Variants in WDPCP observed in about 807,000 individuals in gnomAD.
WDPCP encodes WD repeat containing planar cell polarity effector.
WDPCP carries 71 observed loss-of-function variants against 93.1 expected under a neutral mutation model. That is an observed-to-expected ratio of 0.76 (90% CI 0.63 to 0.93). The LOEUF (loss-of-function observed/expected upper bound fraction) is 0.93, where lower values mean the gene tolerates loss of function less well. Ranked by LOEUF, WDPCP falls within the 40% of genes least tolerant of loss-of-function variation. The pLI, the probability that WDPCP is intolerant of heterozygous loss-of-function variation, is 0.00. For synonymous variants in WDPCP, 315 were observed against 315.0 expected, an observed-to-expected ratio of 1.00 and a Z score of 0.00; for missense variants, 844 against 887.4, an observed-to-expected ratio of 0.95 and a Z score of 0.62.
chr2:63,768,455 T>C lies in WDPCP; in HGVS notation n.308+45167A>G, dbSNP rs116684203. 4.0e-3 allele frequency among the ~76,000 whole-genome samples: 612 copies of C among 152,154 alleles called. 7 individuals are homozygous for C. Among genetic ancestry groups the C allele is most frequent in the African/African-American group, 0.013 (560 of 41,524 alleles). ...TGCTGAAATTTTGATAGGGGTTGCA[T>C]TGAATTTATAGATGAAATTGGGGAT... On this transcript the variant is annotated intron_variant and non_coding_transcript_variant, in intron 2 of 4. Coordinates refer to the WDPCP transcript ENST00000467687.
At chr2:63,536,097 T>C (rs753546051) in intron 1 of WDPCP, among the ~76,000 whole-genome samples, 5 of 152,120 alleles carry the variant, frequency 3.3e-5, no homozygotes, top group African/African-American at 9.7e-5. Context: ...ATGCAGCCAA[T>C]AGACACATGA....
rs547420792 is a variant in WDPCP at position 63,461,712 on chromosome 2, G to T, written c.385-21841C>A. 2.0e-5 allele frequency among the ~76,000 whole-genome samples: 3 copies of T among 151,068 alleles called. No individual in the cohort carries two copies. The South Asian group carries it at 6.2e-4, about 31-fold the overall frequency. On this transcript the variant is annotated intron_variant, in intron 6 of 17. Coordinates refer to ENST00000272321, the MANE Select transcript of WDPCP (RefSeq NM_015910.7). ...AAAATTCAAATTATTGATTCATGTT[G>T]GAATATATAATACATTCATGTAGCT...
chr2:63,683,811 T>C (rs1668766787), intron 2 of WDPCP, among the ~76,000 whole-genome samples: 1 of 149,952 alleles, frequency 6.7e-6, no homozygotes, highest in Non-Finnish European at 1.5e-5. Flanking sequence ...ATTGTGCCAC[T>C]GCACTCCAGC....
intron 13 of WDPCP, among the ~76,000 whole-genome samples, chr2:63,311,573 G>T (rs184401469): frequency 5.3e-5 from 8 of 152,116 alleles, no homozygotes; most frequent in Non-Finnish European, 8.8e-5. Context: ...AAAAAGGACA[G>T]TAAAACCACT....
intron 1 of WDPCP, among the ~76,000 whole-genome samples, chr2:63,551,246 C>A (rs1049637428): frequency 6.6e-6 from 1 of 151,814 alleles, no homozygotes; most frequent in Non-Finnish European, 1.5e-5. Context: ...AAAAAATCCA[C>A]TAGTAAAAAA....
At chr2:63,428,429 A>G (rs895727479) in intron 9 of WDPCP, among the ~76,000 whole-genome samples, 1 of 152,268 alleles carries the variant, frequency 6.6e-6, no homozygotes, top group Non-Finnish European at 1.5e-5. Context: ...GGTTGGTTCA[A>G]CATACACAAA....
upstream of WDPCP, among the ~76,000 whole-genome samples, chr2:63,828,722 T>C (rs1014168496): frequency 3.3e-5 from 5 of 152,164 alleles, no homozygotes; most frequent in Admixed American, 6.6e-5. Context: ...TTTGTGACAA[T>C]GATACCTAAG....
At chr2:63,774,752 G>T (rs1670279497) in intron 2 of WDPCP, among the ~76,000 whole-genome samples, 1 of 152,074 alleles carries the variant, frequency 6.6e-6, no homozygotes, top group Admixed American at 6.6e-5. Flanking sequence ...GCTTCTTCAA[G>T]TCATTCTTGA....
At chr2:63,586,123 C>G (rs1030947038) in intron 1 of WDPCP, among the ~76,000 whole-genome samples, 2 of 152,124 alleles carry the variant, frequency 1.3e-5, no homozygotes, top group Admixed American at 6.5e-5. Flanking sequence ...AGCCACCACG[C>G]CTAGCTGTGG....
In WDPCP at chr2:63,551,804, C is replaced by A. The variant is rs564190471; in HGVS notation, c.75+36393G>T. On this transcript the variant is annotated intron_variant, in intron 1 of 17. Coordinates refer to ENST00000272321, the MANE Select transcript of WDPCP (RefSeq NM_015910.7). ...AGACACATATGTGAATTATTTGTTA[C>A]ATAAAAGGCACCCATTTGAAAAGGG... 5.9e-5 allele frequency among the ~76,000 whole-genome samples: 9 copies of A among 151,990 alleles called. No homozygotes were observed. The South Asian group carries it at 1.5e-3, about 25-fold the overall frequency.
At chr2:63,186,588 T>C (rs536970302) in intron 14 of WDPCP, among the ~76,000 whole-genome samples, 83 of 152,350 alleles carry the variant, frequency 5.4e-4, no homozygotes, top group African/African-American at 1.8e-3. Context: ...AGGGCCGAGG[T>C]AGTTTCCCAT....
chr2:63,485,084 C>A, intron 4 of WDPCP, 97 bp from the exon 5 acceptor site: 1 of 1,284,218 alleles, frequency 7.8e-7, no homozygotes, highest in Non-Finnish European at 1.1e-6. Flanking sequence ...TAAAACACCT[C>A]TATAATCGAG....
chr2:63,808,683 G>A (rs1040423522), intron 2 of WDPCP, among the ~76,000 whole-genome samples: 10 of 152,162 alleles, frequency 6.6e-5, no homozygotes, highest in Non-Finnish European at 1.2e-4. Flanking sequence ...GCGTGATCTC[G>A]GCTCGCTACA....
intron 6 of WDPCP, among the ~76,000 whole-genome samples, chr2:63,452,381 A>C (rs1461623653): frequency 2.0e-5 from 3 of 152,212 alleles, no homozygotes; most frequent in African/African-American, 7.2e-5. Context: ...AATCCAACTT[A>C]CAAGGGATGT....
chr2:63,323,538 C>T (rs1035504068), intron 12 of WDPCP, among the ~76,000 whole-genome samples: 2 of 152,104 alleles, frequency 1.3e-5, no homozygotes, highest in Non-Finnish European at 2.9e-5. Flanking sequence ...TAAGTAAGGA[C>T]AAAAGGTGTC....
At chr2:63,319,710 C>T (rs1686941133) in intron 12 of WDPCP, among the ~76,000 whole-genome samples, 1 of 152,014 alleles carries the variant, frequency 6.6e-6, no homozygotes, top group South Asian at 2.1e-4. Context: ...CATCTCCTGA[C>T]CTCGTGATCC....
At chr2:63,146,451 C>T (rs1671516015) in intron 17 of WDPCP, among the ~76,000 whole-genome samples, 1 of 144,270 alleles carries the variant, frequency 6.9e-6, no homozygotes, top group South Asian at 2.1e-4. Context: ...ATTGCCCAGG[C>T]TGGAGTGCAG....
At chr2:63,217,824 T>G (rs1217087092) in intron 14 of WDPCP, among the ~76,000 whole-genome samples, 2 of 152,192 alleles carry the variant, frequency 1.3e-5, no homozygotes, top group Non-Finnish European at 2.9e-5. Context: ...GGTGTTTATC[T>G]TTTCTTAGTT....
intron 2 of WDPCP, among the ~76,000 whole-genome samples, chr2:63,810,202 A>G (rs566038267): frequency 6.6e-6 from 1 of 152,264 alleles, no homozygotes; most frequent in East Asian, 1.9e-4. Flanking sequence ...GCCCTCTTCT[A>G]TTTTCCTCTG....
Sources: allele counts gnomAD v4.1 joint callset (sites outside exome capture counted in the v4.1 genomes callset), GRCh38; gene constraint gnomAD v4.1.1; transcripts MANE v1.5; gene names NCBI Gene and HGNC (gene_info 2026-07-23, HGNC 2026-07-21).